Variants in DGLUCY observed in about 807,000 individuals in gnomAD.
The protein encoded by DGLUCY is D-glutamate cyclase, also known as D-glutamate cyclase, mitochondrial.
DGLUCY carries 58 observed loss-of-function variants against 58.5 expected under a neutral mutation model. The ratio of observed to expected loss-of-function variants is 0.99; its 90% CI spans 0.80 to 1.23. The LOEUF (loss-of-function observed/expected upper bound fraction) is 1.23, where lower values mean the gene tolerates loss of function less well. Among genes scored for constraint, DGLUCY ranks in the 50% most tolerant of loss-of-function variants. The pLI is 0.00. For synonymous variants in DGLUCY, 325 were observed against 314.1 expected, an observed-to-expected ratio of 1.03 and a Z score of -0.37; for missense variants, 779 against 784.7, an observed-to-expected ratio of 0.99 and a Z score of 0.09.
At chr14:91,177,686 C>T (rs2048938148) in intron 7 of DGLUCY, among the ~76,000 whole-genome samples, 1 of 152,254 alleles carries the variant, frequency 6.6e-6, no homozygotes, top group Non-Finnish European at 1.5e-5. Flanking sequence ...TGTAGTGTTA[C>T]TTTAATTTAT....
chr14:91,144,604 G>A (rs1471916951), intron 1 of DGLUCY, among the ~76,000 whole-genome samples: 3 of 152,116 alleles, frequency 2.0e-5, no homozygotes, highest in Non-Finnish European at 4.4e-5. Context: ...GACCAGCTTA[G>A]ATCTCAGGAA....
intron 11 of DGLUCY, among the ~76,000 whole-genome samples, chr14:91,201,721 G>C (rs1249112973): frequency 6.6e-6 from 1 of 152,014 alleles, no homozygotes; most frequent in Non-Finnish European, 1.5e-5. Context: ...TTCAATTACA[G>C]GCATGAGCCA....
chr14:91,142,627 C>T (rs2046765115), intron 1 of DGLUCY, among the ~76,000 whole-genome samples: 2 of 151,968 alleles, frequency 1.3e-5, no homozygotes, highest in Non-Finnish European at 2.9e-5. Flanking sequence ...CTGACAAACC[C>T]CTGAGCAAAC....
chr14:91,087,455 C>G (rs968655649), intron 1 of DGLUCY, among the ~76,000 whole-genome samples: 1 of 152,194 alleles, frequency 6.6e-6, no homozygotes, highest in African/African-American at 2.4e-5. Flanking sequence ...TAAGTATTTG[C>G]TAGCCGTAAT....
chr14:91,084,598 C>G (rs2140053334), intron 1 of DGLUCY, among the ~76,000 whole-genome samples: 1 of 152,298 alleles, frequency 6.6e-6, no homozygotes, highest in African/African-American at 2.4e-5. Flanking sequence ...GGTAACTGCT[C>G]AGTCTGCACC....
chr14:91,122,133 TAGAGTAA>T (rs1406397444), intron 1 of DGLUCY, among the ~76,000 whole-genome samples: 6 of 152,066 alleles, frequency 3.9e-5, no homozygotes, highest in African/African-American at 1.4e-4. Flanking sequence ...TTAACCTATT[TAGAGTAA>T]TTTTATTAAG....
chr14:91,188,923 T>C lies in DGLUCY; in HGVS notation c.948T>C (p.Ile316=). 1 of 1,613,264 alleles carries C rather than the reference T, an allele frequency of 6.2e-7. No homozygotes were observed. Among genetic ancestry groups the C allele is most frequent in the South Asian group, 1.1e-5 (1 of 90,794 alleles). ...MIGIDPGNRG[I]GHLLCKDELL... is the part of the protein sequence containing the mutation. ...TTGTCATTTCAGGGAACCGGGGGAT[T>C]GGGCACCTGCTCTGTAAAGATGAGC... Residue 316 remains isoleucine (I), a synonymous_variant, in exon 9 of 14, where the codon ATT becomes ATC. Transcript: ENST00000256324.
At chr14:91,157,158 A>ATGAATGG (rs2047685391) in intron 1 of DGLUCY, among the ~76,000 whole-genome samples, 1 of 47,568 alleles carries the variant, frequency 2.1e-5, no homozygotes, top group African/African-American at 9.0e-5. Context: ...TGGATGGATG[A>ATGAATGG]ATGGGTGGAT....
intron 8 of DGLUCY, among the ~76,000 whole-genome samples, chr14:91,187,592 G>A (rs901635069): frequency 1.3e-5 from 2 of 152,162 alleles, no homozygotes; most frequent in Admixed American, 6.6e-5. Flanking sequence ...TAGAATTATG[G>A]GCGGCTCCCA....
chr14:91,078,876 T>TTTTATTTATTTATTTATTTATTTA (rs34232625), intron 1 of DGLUCY, among the ~76,000 whole-genome samples: 1 of 136,754 alleles, frequency 7.3e-6, no homozygotes, highest in Non-Finnish European at 1.6e-5. Context: ...TATTTTTAAT[T>TTTTATTTATTTATTTATTTATTTA]TTTATTTATT....
At chr14:91,169,183 C>T (rs1034025296) in intron 4 of DGLUCY, among the ~76,000 whole-genome samples, 13 of 152,074 alleles carry the variant, frequency 8.5e-5, no homozygotes, top group Admixed American at 2.6e-4. Flanking sequence ...AGCATGTGCC[C>T]GGCATGAAGG....
intron 1 of DGLUCY, among the ~76,000 whole-genome samples, chr14:91,139,261 C>G (rs2046515718): frequency 6.6e-6 from 1 of 152,194 alleles, no homozygotes; most frequent in African/African-American, 2.4e-5. Flanking sequence ...CCTTCCTCCT[C>G]CTCCTTGTTC....
At chr14:91,202,474 G>A (rs543161050) in intron 11 of DGLUCY, among the ~76,000 whole-genome samples, 122 of 152,258 alleles carry the variant, frequency 8.0e-4, no homozygotes, top group African/African-American at 2.7e-3. Context: ...AGCCTTCTGC[G>A]CTGATTAGAA....
chr14:91,159,780 T>A (rs534897421), intron 2 of DGLUCY, among the ~76,000 whole-genome samples: 2 of 152,166 alleles, frequency 1.3e-5, no homozygotes, highest in Non-Finnish European at 2.9e-5. Flanking sequence ...GCGGTGGTAT[T>A]CATTCGTCTG....
At chr14:91,156,967 C>T (rs2047653582) in intron 1 of DGLUCY, among the ~76,000 whole-genome samples, 1 of 152,202 alleles carries the variant, frequency 6.6e-6, no homozygotes, top group African/African-American at 2.4e-5. Context: ...TTAAAATATA[C>T]TGAGGATGTG....
intron 1 of DGLUCY, among the ~76,000 whole-genome samples, chr14:91,098,670 G>A (rs974567502): frequency 6.6e-5 from 10 of 152,144 alleles, no homozygotes; most frequent in African/African-American, 1.9e-4. Flanking sequence ...GCCTCATCCT[G>A]ACCACTGCTG....
intron 13 of DGLUCY, among the ~76,000 whole-genome samples, chr14:91,222,269 G>A (rs1413616749): frequency 6.6e-6 from 1 of 152,180 alleles, no homozygotes; most frequent in African/African-American, 2.4e-5. Flanking sequence ...TGGAGGCTGG[G>A]TGCCAGTCAG....
intron 8 of DGLUCY, among the ~76,000 whole-genome samples, chr14:91,187,987 C>G (rs1241139912): frequency 6.6e-6 from 1 of 152,154 alleles, no homozygotes; most frequent in Non-Finnish European, 1.5e-5. Context: ...TACCATTTCC[C>G]TTCCCTCTTA....
chr14:91,111,250 ATATATC>A (rs2044693774), upstream of DGLUCY, among the ~76,000 whole-genome samples: 1 of 42,092 alleles, frequency 2.4e-5, no homozygotes. Context: ...GTGTGTGTGT[ATATATC>A]TATATATCTA....
Sources: allele counts gnomAD v4.1 joint callset (sites outside exome capture counted in the v4.1 genomes callset), GRCh38; gene constraint gnomAD v4.1.1; transcripts MANE v1.5; gene names NCBI Gene and HGNC (gene_info 2026-07-23, HGNC 2026-07-21).